The following LRMDA variants were observed in gnomAD, a reference collection of about 807,000 sequenced individuals.
LRMDA encodes the protein leucine rich melanocyte differentiation associated, also known as leucine-rich melanocyte differentiation-associated protein.
LRMDA carries 18 observed loss-of-function variants against 29.8 expected under a neutral mutation model. That is an observed-to-expected ratio of 0.60 (90% confidence interval 0.42 to 0.90). The LOEUF is 0.90. Ranked by LOEUF, LRMDA falls within the 40% of genes least tolerant of loss-of-function variation. The probability of loss-of-function intolerance (pLI) is 0.00; values close to 1 mark genes in which losing one functional copy is unlikely to be tolerated. For missense variants in LRMDA, 273 were observed against 273.9 expected (o/e 1.00, Z 0.02); for synonymous variants, 125 against 109.4 (o/e 1.14, Z -0.89).
chr10:75,813,198 G>A (rs1005534782), intron 2 of LRMDA, among the ~76,000 whole-genome samples: 3 of 152,212 alleles, frequency 2.0e-5, no homozygotes, highest in African/African-American at 7.2e-5. Flanking sequence ...CAGAGAGAAG[G>A]TCTGCCTTGC....
At position 76,557,760 on chromosome 10, in the gene LRMDA, T is replaced by C. The variant is rs1843576668; in HGVS notation, c.*472T>C. The C allele has an allele frequency of 6.2e-6, 1 of 161,198 alleles. No individual in the cohort carries two copies. Among genetic ancestry groups the C allele is most frequent in the Non-Finnish European group, 1.4e-5 (1 of 73,542 alleles). The allele number at this position is 161,198 out of a possible 1,614,324, so 10.0% of individuals were successfully genotyped here. A position where few individuals can be genotyped will look rare whatever the true frequency, so the allele number is the denominator to read the frequency against. On this transcript the variant is annotated 3_prime_UTR_variant, in exon 7 of 7. Transcript: ENST00000611255. ...TATTTTTAGTGAAATAGTCACAGTT[T>C]AGGGGATGGCCATTCTCCCTCACTC...
intron 2 of LRMDA, among the ~76,000 whole-genome samples, chr10:75,896,129 C>T (rs369477086): frequency 2.0e-5 from 3 of 152,282 alleles, no homozygotes; most frequent in East Asian, 1.9e-4. Context: ...TTATGCTTCT[C>T]GTTATTACAG....
Position 76,256,962 on chromosome 10 carries a change from T to A in LRMDA, c.517-67439T>A, listed in dbSNP as rs117021000. 2.7e-3 allele frequency among the ~76,000 whole-genome samples: 411 copies of A among 152,262 alleles called. 18 individuals are homozygous for A. The East Asian group carries it at 0.062, about 23-fold the overall frequency. On this transcript the variant is annotated intron_variant, in intron 5 of 6. Coordinates refer to ENST00000611255, the MANE Select transcript of LRMDA (RefSeq NM_001305581.2). The stretch of plus-strand genomic sequence containing the variant: ...GAACTAGGCAGTCGTAGAAAAATGA[T>A]TGAGAGATAAAGAAACAGGTCTTGA...
At chr10:75,716,823 A>G (rs191151079) in intron 2 of LRMDA, among the ~76,000 whole-genome samples, 254 of 152,306 alleles carry the variant, frequency 1.7e-3, no homozygotes, top group Non-Finnish European at 3.1e-3. Context: ...GTGGTGTGCA[A>G]GCTATCATTC....
intron 2 of LRMDA, among the ~76,000 whole-genome samples, chr10:75,930,880 G>A (rs894473950): frequency 2.6e-5 from 4 of 152,310 alleles, no homozygotes; most frequent in African/African-American, 9.6e-5. Flanking sequence ...AAGAATTCCA[G>A]CTATAGTTAT....
intron 5 of LRMDA, among the ~76,000 whole-genome samples, chr10:76,249,623 A>G (rs1852436550): frequency 6.6e-6 from 1 of 152,200 alleles, no homozygotes; most frequent in South Asian, 2.1e-4. Context: ...CCTTCTGACA[A>G]GTTTTAAAGA....
chr10:76,015,878 CA>C (rs953119101), intron 2 of LRMDA, among the ~76,000 whole-genome samples: 1 of 152,208 alleles, frequency 6.6e-6, no homozygotes, highest in African/African-American at 2.4e-5. Flanking sequence ...AGAGGTTACA[CA>C]AAATGTACTT....
chr10:75,745,084 G>A (rs1179596200), intron 2 of LRMDA, among the ~76,000 whole-genome samples: 1 of 152,300 alleles, frequency 6.6e-6, no homozygotes, highest in South Asian at 2.1e-4. Context: ...TCCAGCATAA[G>A]CTCCATCTTA....
At chr10:75,732,068 A>G (rs1487587350) in intron 2 of LRMDA, among the ~76,000 whole-genome samples, 1 of 152,202 alleles carries the variant, frequency 6.6e-6, no homozygotes, top group African/African-American at 2.4e-5. Context: ...TTTTTCCCCT[A>G]ACACTTTTAC....
At chr10:75,599,715 C>T (rs1840856486) in intron 2 of LRMDA, among the ~76,000 whole-genome samples, 1 of 152,182 alleles carries the variant, frequency 6.6e-6, no homozygotes, top group Admixed American at 6.5e-5. Context: ...TAGCCACTAG[C>T]CACATATAGA....
chr10:76,291,932 GCA>G (rs34113053), intron 5 of LRMDA, among the ~76,000 whole-genome samples: 64,515 of 148,282 alleles, frequency 0.44, 13,677 homozygotes, highest in South Asian at 0.55. Flanking sequence ...ACACACACGT[GCA>G]CACACACACA....
chr10:76,011,334 A>G (rs1269459999), intron 2 of LRMDA, among the ~76,000 whole-genome samples: 2 of 152,194 alleles, frequency 1.3e-5, no homozygotes, highest in East Asian at 1.9e-4. Context: ...TAGTCCACCC[A>G]GAAGAATGAG....
At chr10:75,718,848 C>T (rs933450705) in intron 2 of LRMDA, among the ~76,000 whole-genome samples, 1 of 152,090 alleles carries the variant, frequency 6.6e-6, no homozygotes. Flanking sequence ...TCATATTAAC[C>T]GTCATGTTAA....
chr10:76,367,740 G>T (rs551317989), intron 6 of LRMDA, among the ~76,000 whole-genome samples: 1 of 152,118 alleles, frequency 6.6e-6, no homozygotes, highest in East Asian at 1.9e-4. Flanking sequence ...GAGCCACCGC[G>T]CCTGGCTGGT....
At position 75,670,902 on chromosome 10, in the gene LRMDA, C is replaced by A. The variant is rs1052570977; in HGVS notation, c.131+232408C>A. Reference sequence around the variant, plus strand: ...CTTTTGCTCCTCTGCCAGTCCCTTGCTTCCCTTCTGACCAGCAAGTTCCCA... The same window carrying A: ...CTTTTGCTCCTCTGCCAGTCCCTTGATTCCCTTCTGACCAGCAAGTTCCCA... On this transcript the variant is annotated intron_variant, in intron 2 of 6. Coordinates refer to ENST00000611255, the MANE Select transcript of LRMDA (RefSeq NM_001305581.2). Among the ~76,000 whole-genome samples, 4 of 152,082 alleles carry A rather than the reference C, an allele frequency of 2.6e-5. No homozygotes were observed. The East Asian group carries it at 7.7e-4, about 29-fold the overall frequency.
chr10:75,938,547 A>G (rs993895837), intron 2 of LRMDA, among the ~76,000 whole-genome samples: 4 of 152,178 alleles, frequency 2.6e-5, no homozygotes, highest in South Asian at 2.1e-4. Context: ...CTAATTGTGA[A>G]GCCAAAGCAT....
Position 76,181,829 on chromosome 10 carries a change from G to A in LRMDA, c.516+123046G>A, listed in dbSNP as rs1186171980. Among the ~76,000 whole-genome samples the A allele has an allele frequency of 2.6e-5, 4 of 152,324 alleles. No individual in the cohort carries two copies. The South Asian group carries it at 6.2e-4, about 24-fold the overall frequency. On this transcript the variant is annotated intron_variant, in intron 5 of 6. Transcript: ENST00000611255. ...GCCTTTGGGACTAAATCTCACAGGG[G>A]TGCTTGTTGTCTAGAAATTGAGAAC...
intron 5 of LRMDA, among the ~76,000 whole-genome samples, chr10:76,211,448 A>G (rs990924485): frequency 5.3e-5 from 8 of 152,224 alleles, no homozygotes; most frequent in Non-Finnish European, 1.2e-4. Context: ...GTGACTACTC[A>G]AGAAGTCTTA....
In LRMDA at chr10:75,986,250, A is replaced by G. The variant is rs80254529; in HGVS notation, c.132-49758A>G. The stretch of plus-strand genomic sequence containing the variant: ...TGGCGGAGGTATGGGTAATATAACA[A>G]CTACAATCTCGTGAAACTCTCATAT... On this transcript the variant is annotated intron_variant, in intron 2 of 6. Coordinates refer to ENST00000611255, the MANE Select transcript of LRMDA (RefSeq NM_001305581.2). Among the ~76,000 whole-genome samples, 1,066 of 152,330 alleles carry G rather than the reference A, an allele frequency of 7.0e-3. 12 individuals are homozygous for G. The highest frequency in any genetic ancestry group is 0.024 in the African/African-American group (988 of 41,560).
Sources: allele counts gnomAD v4.1 joint callset (sites outside exome capture counted in the v4.1 genomes callset), GRCh38; gene constraint gnomAD v4.1.1; transcripts MANE v1.5; gene names NCBI Gene and HGNC (gene_info 2026-07-23, HGNC 2026-07-21).